The following ELP1 variants were observed in gnomAD, a reference collection of about 807,000 sequenced individuals.
The protein encoded by ELP1 is elongator complex protein 1.
In ELP1, 131 loss-of-function variants were observed where a neutral mutation model predicts 183.2. That is an observed-to-expected ratio of 0.72 (90% CI 0.62 to 0.83). The LOEUF is 0.83. Among genes scored for constraint, ELP1 ranks in the 40% least tolerant of loss-of-function variants. The pLI, the probability that ELP1 is intolerant of heterozygous loss-of-function variation, is 0.00. For missense variants in ELP1, 1,550 were observed against 1,594.9 expected, an observed-to-expected ratio of 0.97 and a Z score of 0.48; for synonymous variants, 555 against 569.0, an observed-to-expected ratio of 0.98 and a Z score of 0.35.
At chr9:108,876,822 C>A (rs1414839762) in intron 35 of ELP1, among the ~76,000 whole-genome samples, 1 of 151,528 alleles carries the variant, frequency 6.6e-6, no homozygotes, top group African/African-American at 2.4e-5. Flanking sequence ...ACCTCTGTCT[C>A]CCAGGTTCAA....
chr9:108,908,070 G>C (rs931654779), intron 13 of ELP1, among the ~76,000 whole-genome samples: 3 of 152,202 alleles, frequency 2.0e-5, no homozygotes, highest in African/African-American at 7.2e-5. Flanking sequence ...GCTATTGGGA[G>C]TAGGTCCTAG....
chr9:108,914,980 T>C (rs1051455663), intron 10 of ELP1, among the ~76,000 whole-genome samples: 2 of 152,150 alleles, frequency 1.3e-5, no homozygotes, highest in African/African-American at 4.8e-5. Flanking sequence ...CTGAGATATA[T>C]ACATGAAAAA....
At chr9:108,879,297 G>T in intron 33 of ELP1, 149 bp downstream of exon 33, 1 of 703,964 alleles carries the variant, frequency 1.4e-6, no homozygotes, top group South Asian at 1.5e-5. Flanking sequence ...CAGATATGCT[G>T]GGAAAGTGTC....
At chr9:108,879,648 C>A in intron 32 of ELP1, 91 bp from the exon 33 acceptor site, 1 of 830,240 alleles carries the variant, frequency 1.2e-6, no homozygotes. Context: ...CTAGAGTCAA[C>A]TGGTGCATAT....
At position 108,893,978 on chromosome 9, in the gene ELP1, C is replaced by G. The variant is rs149845612; in HGVS notation, c.2825G>C (p.Arg942Pro). 6 of 1,613,096 alleles carry G rather than the reference C, an allele frequency of 3.7e-6. No individual in the cohort carries two copies. Among genetic ancestry groups the G allele is most frequent in the Non-Finnish European group, 5.1e-6 (6 of 1,179,384 alleles). ...QRFTIDKYLK[R>P]YEKAIGHLSK... ...GAGGTGGCCAATGGCTTTTTCATAT[C>G]GTTTCAAGTATTTGTCTATAGTAAA... Residue 942 changes from arginine to proline, a missense_variant, in exon 26 of 37, where the codon CGA (arginine) becomes CCA (proline). Arg to Pro is a moderately radical substitution (Grantham distance 103, BLOSUM62 -2). Transcript: ENST00000374647.
At chr9:108,905,654 A>C (rs1008288637) in intron 14 of ELP1, among the ~76,000 whole-genome samples, 1 of 152,220 alleles carries the variant, frequency 6.6e-6, no homozygotes, top group African/African-American at 2.4e-5. Flanking sequence ...GATACGTCTG[A>C]GAAATGTGTT....
intron 20 of ELP1, 111 bp downstream of exon 20, chr9:108,899,711 G>C (rs150386371): frequency 1.1e-5 from 9 of 823,974 alleles, no homozygotes; most frequent in Non-Finnish European, 1.6e-5. Context: ...TGATGATATA[G>C]GTAATGAGGG....
intron 25 of ELP1, among the ~76,000 whole-genome samples, chr9:108,895,428 T>C (rs576661321): frequency 1.3e-5 from 2 of 151,994 alleles, no homozygotes; most frequent in Admixed American, 1.3e-4. Context: ...ATGGTGAGGG[T>C]GGAAGCAGTC....
chr9:108,894,149 A>AC, intron 25 of ELP1, 83 bp from the exon 26 acceptor site: 1 of 769,716 alleles, frequency 1.3e-6, no homozygotes, highest in African/African-American at 1.8e-5. Flanking sequence ...ATAGCAATAA[A>AC]CCCAAAGCTA....
intron 12 of ELP1, among the ~76,000 whole-genome samples, chr9:108,909,528 T>C (rs553542633): frequency 1.3e-5 from 2 of 152,352 alleles, no homozygotes; most frequent in African/African-American, 4.8e-5. Context: ...CCCTGACCTG[T>C]TCCAGTCCAA....
chr9:108,886,174 T>C lies in ELP1; in HGVS notation c.3222+3158A>G, dbSNP rs1828114315. Reference sequence around the variant, plus strand: ...GTGTAGGGAGGGCAGCTTTTCCCCATGTGGCCTCCTAGGTAAAGTCTGTAA... The same window carrying C: ...GTGTAGGGAGGGCAGCTTTTCCCCACGTGGCCTCCTAGGTAAAGTCTGTAA... On this transcript the variant is annotated intron_variant, in intron 29 of 36. Coordinates refer to ENST00000374647, the MANE Select transcript of ELP1 (RefSeq NM_003640.5). Among the ~76,000 whole-genome samples the C allele has an allele frequency of 2.6e-5, 4 of 152,168 alleles. No individual in the cohort carries two copies. In the South Asian group the frequency reaches 8.3e-4, roughly 32 times the overall value.
chr9:108,890,808 G>A (rs1375834434), intron 28 of ELP1, among the ~76,000 whole-genome samples: 1 of 152,214 alleles, frequency 6.6e-6, no homozygotes, highest in Non-Finnish European at 1.5e-5. Flanking sequence ...AGATGGAATA[G>A]AAGGTGATAG....
At position 108,912,248 on chromosome 9, in the gene ELP1, C is replaced by T. The variant is rs1368895692; in HGVS notation, c.1189+16G>A. 10 of 1,602,248 alleles carry T rather than the reference C, an allele frequency of 6.2e-6. No homozygotes were observed. In the Admixed American group the frequency reaches 1.5e-4, roughly 24 times the overall value. On this transcript the variant is annotated intron_variant, in intron 11 of 36. Coordinates refer to ENST00000374647, the MANE Select transcript of ELP1 (RefSeq NM_003640.5). ...GACCCCTTGCAGGCTCATGGACACACTTCCCAGGAGCTTACTTCCATCAAT... is the reference window on the plus strand; with the variant it reads ...GACCCCTTGCAGGCTCATGGACACATTTCCCAGGAGCTTACTTCCATCAAT...
At position 108,929,861 on chromosome 9, in the gene ELP1, T is replaced by C. The variant is rs1829940954; in HGVS notation, c.211A>G (p.Ile71Val). 1.2e-6 allele frequency: 2 copies of C among 1,613,822 alleles called. No homozygotes were observed. Among genetic ancestry groups the C allele is most frequent in the Non-Finnish European group, 1.7e-6 (2 of 1,180,038 alleles). Residue 71 changes from isoleucine to valine, a missense_variant, in exon 3 of 37, where the codon ATT becomes GTT. Transcript: ENST00000374647. ...TCCAGCAAGTCCTGAACACCAACAA[T>C]GCGGCCACTTCCATCCTCTGGGAGA... Reference protein sequence around the residue: ...GFLPEDGSGRIVGVQDLLDQE... With the variant: ...GFLPEDGSGRVVGVQDLLDQE...
chr9:108,922,409 G>C (rs1160798578), intron 6 of ELP1, among the ~76,000 whole-genome samples: 4 of 152,026 alleles, frequency 2.6e-5, no homozygotes, highest in Non-Finnish European at 5.9e-5. Flanking sequence ...TTCCAATCCA[G>C]AAGTAAGGAA....
At chr9:108,899,931 G>C (rs753837809) in intron 19 of ELP1, 36 bp from the exon 20 acceptor site, 1 of 1,534,054 alleles carries the variant, frequency 6.5e-7, no homozygotes, top group Non-Finnish European at 9.0e-7. Flanking sequence ...TTTTAATTAA[G>C]TAGAAAACAT....
chr9:108,876,969 G>C (rs1440197219), intron 35 of ELP1, among the ~76,000 whole-genome samples: 1 of 152,156 alleles, frequency 6.6e-6, no homozygotes, highest in Non-Finnish European at 1.5e-5. Context: ...GACTTCAGGT[G>C]ATCCGCCTGC....
intron 10 of ELP1, among the ~76,000 whole-genome samples, chr9:108,914,805 T>C (rs1394595526): frequency 6.6e-6 from 1 of 152,158 alleles, no homozygotes; most frequent in Admixed American, 6.5e-5. Flanking sequence ...TTTTGTATTT[T>C]TAGTAGAGAT....
In ELP1 at chr9:108,906,517, T is replaced by G. The variant is rs143103960; in HGVS notation, c.1461-32A>C. 1.8e-4 allele frequency: 287 copies of G among 1,587,824 alleles called. 2 individuals are homozygous for G. The African/African-American group carries it at 3.4e-3, about 19-fold the overall frequency. On this transcript the variant is annotated intron_variant, in intron 13 of 36. Transcript: ENST00000374647. ...TAAATATTGAAGAATATCCAAGACA[T>G]GAATAAAACTTAAAAACCACTGAGA...
Sources: gnomAD v4.1 joint callset for allele counts (sites outside exome capture counted in the v4.1 genomes callset) on GRCh38, gnomAD v4.1.1 for gene constraint, MANE v1.5 for transcripts, NCBI Gene and HGNC (gene_info 2026-07-23, HGNC 2026-07-21) for gene names.